TECPR1: variants seen among roughly 807,000 people sequenced by gnomAD.
TECPR1 encodes tectonin beta-propeller repeat containing 1.
Under a neutral mutation model 162.4 loss-of-function variants are expected in TECPR1, and 122 were observed. That is an observed-to-expected ratio of 0.75 (90% CI 0.65 to 0.87). The LOEUF is 0.87. Among genes scored for constraint, TECPR1 ranks in the 40% least tolerant of loss-of-function variants. The pLI is 0.00. For synonymous variants in TECPR1, 642 were observed against 670.6 expected, an observed-to-expected ratio of 0.96 and a Z score of 0.66; for missense variants, 1,432 against 1,618.2, an observed-to-expected ratio of 0.88 and a Z score of 1.97.
chr7:98,240,894 G>T lies in TECPR1; in HGVS notation c.890C>A (p.Ser297Ter), dbSNP rs2065127068. ...PGSENGVMHI[S>*]VGVSVVWAVT... is the part of the protein sequence containing the mutation. The stretch of plus-strand genomic sequence containing the variant: ...AGCCCAGACCACGCTGACTCCCACC[G>T]AGATGTGCATGACCCCGTTTTCAGA... Residue 297 changes from serine to a stop codon, truncating the protein, a stop_gained, in exon 8 of 26, where the codon TCG (serine) becomes TAG (stop). Transcript: ENST00000447648. LOFTEE classifies it high-confidence loss of function. 6.2e-7 allele frequency: 1 copy of T among 1,609,246 alleles called. No homozygotes were observed. The highest frequency in any genetic ancestry group is 1.3e-5 in the African/African-American group (1 of 74,864).
At chr7:98,222,882 GC>G in intron 21 of TECPR1, 107 bp downstream of exon 21, 3 of 1,410,170 alleles carry the variant, frequency 2.1e-6, no homozygotes, top group Non-Finnish European at 2.9e-6. Flanking sequence ...CGGACCACAG[GC>G]AGTGTCCACT....
At chr7:98,237,311 T>C (rs1215196985) in intron 9 of TECPR1, among the ~76,000 whole-genome samples, 1 of 152,094 alleles carries the variant, frequency 6.6e-6, no homozygotes, top group Non-Finnish European at 1.5e-5. Flanking sequence ...TTTTTGTTGT[T>C]GAGACAGAGT....
intron 2 of TECPR1, among the ~76,000 whole-genome samples, chr7:98,249,132 G>A (rs538518232): frequency 8.5e-5 from 13 of 152,146 alleles, no homozygotes; most frequent in Middle Eastern, 3.4e-3. Context: ...CAGGTGATCC[G>A]TCCCAAAGTG....
rs367994528 is a variant in TECPR1 at position 98,223,104 on chromosome 7, G to A, written c.2814C>T (p.Ser938=). ...EVPPIALRDV[S]IIPESPGAEG... ...CGGCACCCGGGCTCTCCGGGATGAT[G>A]GACACGTCCCTGAGGGCGATGGGGG... Residue 938 remains serine, a synonymous_variant, in exon 21 of 26, where the codon TCC becomes TCT. Coordinates refer to ENST00000447648, the MANE Select transcript of TECPR1 (RefSeq NM_015395.3). 1.9e-6 allele frequency: 3 copies of A among 1,604,274 alleles called. No individual in the cohort carries two copies. Among genetic ancestry groups the A allele is most frequent in the Non-Finnish European group, 8.5e-7 (1 of 1,176,066 alleles).
At chr7:98,247,466 T>C (rs1404287259) in intron 2 of TECPR1, among the ~76,000 whole-genome samples, 2 of 152,082 alleles carry the variant, frequency 1.3e-5, no homozygotes, top group South Asian at 2.1e-4. Flanking sequence ...AAAGAATCAA[T>C]GAAAGCTTAC....
chr7:98,245,771 G>A, intron 3 of TECPR1, 151 bp downstream of exon 3: 2 of 755,226 alleles, frequency 2.6e-6, no homozygotes, highest in South Asian at 1.8e-5. Context: ...ACCACGCCTG[G>A]CAGCAACACA....
chr7:98,240,855 C>A lies in TECPR1; in HGVS notation c.929G>T (p.Trp310Leu). The change falls in exon 8 of 26, where the codon TGG becomes TTG. Residue 310 changes from tryptophan to leucine, a missense_variant. Coordinates refer to ENST00000447648, the MANE Select transcript of TECPR1 (RefSeq NM_015395.3). The part of the protein sequence containing the change: ...VSVVWAVTKD[W>L]KVWFRRGVNS... ...CCAGCCTCATCCCCATCTTACCTTC[C>A]AGTCCTTGGTGACAGCCCAGACCAC... 6.2e-7 allele frequency: 1 copy of A among 1,601,460 alleles called. No homozygotes were observed.
intron 17 of TECPR1, among the ~76,000 whole-genome samples, chr7:98,226,116 G>A (rs1186349338): frequency 6.6e-6 from 1 of 152,196 alleles, no homozygotes; most frequent in East Asian, 1.9e-4. Context: ...GACAGATGTG[G>A]GTGCGCAGCC....
chr7:98,232,816 G>A lies in TECPR1; in HGVS notation c.1818+11C>T, dbSNP rs761057271. ...AAAAAAAAATGCATGCGCAGCCACCGGGGCACCCACCTGCTCCACGGCCTG... is the reference window on the plus strand; with the variant it reads ...AAAAAAAAATGCATGCGCAGCCACCAGGGCACCCACCTGCTCCACGGCCTG... On this transcript the variant is annotated intron_variant, in intron 12 of 25. Transcript: ENST00000447648. This position sits in a 1 kb window ranked among gnomAD's most constrained non-coding sequence, Gnocchi z 4.6. 11 of 1,562,856 alleles carry A rather than the reference G, an allele frequency of 7.0e-6. No homozygotes were observed. Among genetic ancestry groups the A allele is most frequent in the South Asian group, 2.4e-5 (2 of 83,374 alleles).
Position 98,236,774 on chromosome 7 carries a change from A to AC in TECPR1, c.1181+1dup. ...CCTGCGCACCCTGCCACCCCCAGTC[A>AC]CCTGAGGAGACTAGACGAGCTGCCA... On this transcript the variant is annotated splice_donor_variant, in intron 10 of 25. Transcript: ENST00000447648. LOFTEE classifies it high-confidence loss of function. 1 of 1,592,342 alleles carries AC rather than the reference A, an allele frequency of 6.3e-7. No individual in the cohort carries two copies. Among genetic ancestry groups the AC allele is most frequent in the South Asian group, 1.1e-5 (1 of 87,634 alleles).
chr7:98,231,532 C>T, intron 13 of TECPR1, 159 bp from the exon 14 acceptor site: 1 of 576,140 alleles, frequency 1.7e-6, no homozygotes, highest in Non-Finnish European at 2.7e-6. Context: ...ATTTCTTTAC[C>T]CCCTCCCCAG....
intron 2 of TECPR1, among the ~76,000 whole-genome samples, chr7:98,250,734 G>GT (rs1397097794): frequency 6.6e-6 from 1 of 152,212 alleles, no homozygotes; most frequent in East Asian, 1.9e-4. Flanking sequence ...CAGTCTGCAG[G>GT]TTGAGCTCAA....
intron 10 of TECPR1, among the ~76,000 whole-genome samples, chr7:98,234,311 C>T (rs138098600): frequency 3.3e-5 from 5 of 152,176 alleles, no homozygotes; most frequent in East Asian, 1.9e-4. Flanking sequence ...TGCACCACCA[C>T]GCCTGGCTAA....
Position 98,230,978 on chromosome 7 carries a change from G to A in TECPR1, c.2265C>T (p.Pro755=), listed in dbSNP as rs764365636. ...TCACTCACATCTGGTCGCAGGGCAG[G>A]GGGTGCTCGTGGGCCTCCAGGTCTG... ...PSPDLEAHEH[P]LPCDQMFWRQ... is the part of the protein sequence containing the mutation. The change falls in exon 15 of 26, where the codon CCC becomes CCT. Residue 755 remains proline, a synonymous_variant. Transcript: ENST00000447648. The A allele has an allele frequency of 6.2e-7, 1 of 1,612,082 alleles. No individual in the cohort carries two copies. The highest frequency in any genetic ancestry group is 8.5e-7 in the Non-Finnish European group (1 of 1,179,354).
intron 15 of TECPR1, among the ~76,000 whole-genome samples, chr7:98,230,746 C>T (rs975745494): frequency 3.3e-5 from 5 of 152,228 alleles, no homozygotes; most frequent in Non-Finnish European, 4.4e-5. Flanking sequence ...GGCACTGACC[C>T]ACCCTGGGCC....
chr7:98,233,774 G>A lies in TECPR1; in HGVS notation c.1319C>T (p.Ala440Val), dbSNP rs551571155. ...CAGGCCTGAGGCTGAGTTCCCTGTG[G>A]CATTCTTGGAATCGTCTAGAGGTTC... The part of the protein sequence containing the change: ...PAEPLDDSKN[A>V]TGNSASGLGA... The change falls in exon 11 of 26, where the codon GCC (alanine) becomes GTC (valine). Residue 440 changes from alanine (A) to valine (V), a missense_variant. Coordinates refer to ENST00000447648, the MANE Select transcript of TECPR1 (RefSeq NM_015395.3). 18 of 1,612,364 alleles carry A rather than the reference G, an allele frequency of 1.1e-5. No homozygotes were observed. The South Asian group carries it at 1.8e-4, about 16-fold the overall frequency.
chr7:98,227,054 C>T (rs747290636), intron 17 of TECPR1, among the ~76,000 whole-genome samples: 2 of 151,876 alleles, frequency 1.3e-5, no homozygotes, highest in Non-Finnish European at 2.9e-5. Context: ...TAATACTGTC[C>T]AAAAATATGA....
chr7:98,221,889 G>A (rs1428070834), intron 22 of TECPR1, 136 bp from the exon 23 acceptor site: 5 of 665,976 alleles, frequency 7.5e-6, no homozygotes, highest in East Asian at 2.7e-5. Flanking sequence ...GAGCTGACAC[G>A]TGCCCTGCCG....
intron 17 of TECPR1, 39 bp downstream of exon 17, chr7:98,227,975 T>C (rs1277207514): frequency 5.2e-6 from 8 of 1,546,676 alleles, no homozygotes; most frequent in South Asian, 1.2e-5. Flanking sequence ...CTAAGGCCTA[T>C]GCCAGGCAGC....
Sources: allele counts gnomAD v4.1 joint callset (sites outside exome capture counted in the v4.1 genomes callset), GRCh38; gene constraint gnomAD v4.1.1; non-coding constraint Gnocchi (gnomAD v3.1); transcripts MANE v1.5; gene names NCBI Gene and HGNC (gene_info 2026-07-23, HGNC 2026-07-21).